PRKAR1A: variants seen among roughly 807,000 people sequenced by gnomAD.
PRKAR1A encodes protein kinase cAMP-dependent type I regulatory subunit alpha.
PRKAR1A carries 3 observed loss-of-function variants against 52.0 expected under a neutral mutation model. The ratio of observed to expected loss-of-function variants is 0.06; its 90% CI spans 0.03 to 0.15. PRKAR1A has a LOEUF of 0.15. Ranked by LOEUF, PRKAR1A falls within the 10% of genes least tolerant of loss-of-function variation. PRKAR1A has a pLI of 1.00. For synonymous variants in PRKAR1A, 188 were observed against 168.4 expected (o/e 1.12, Z -0.90); for missense variants, 240 against 477.4 (o/e 0.50, Z 4.63).
chr17:68,431,861 C>G, the PRKAR1A span, among the ~76,000 whole-genome samples: 128,475 of 151,914 alleles, frequency 0.85, 54,471 homozygotes, highest in Admixed American at 0.88. Context: ...AGTGGAAAAT[C>G]AATCTCTGAT....
At chr17:68,472,139 T>G in the PRKAR1A span, among the ~76,000 whole-genome samples, 2 of 152,254 alleles carry the variant, frequency 1.3e-5, no homozygotes, top group South Asian at 4.2e-4. Context: ...TGAGGAGGTG[T>G]GGTTCAGCTG....
At chr17:68,465,372 G>A in the PRKAR1A span, among the ~76,000 whole-genome samples, 1 of 152,088 alleles carries the variant, frequency 6.6e-6, no homozygotes, top group Non-Finnish European at 1.5e-5. Flanking sequence ...GAGCCTCCTT[G>A]GACTTTCTTG....
chr17:68,471,096 A>AT, the PRKAR1A span, among the ~76,000 whole-genome samples: 6 of 152,140 alleles, frequency 3.9e-5, no homozygotes, highest in African/African-American at 7.2e-5. Context: ...AATTCAATGC[A>AT]TTTTTTCCCC....
chr17:68,535,668 A>C (rs1162259718), downstream of PRKAR1A: 1 of 447,808 alleles, frequency 2.2e-6, no homozygotes, highest in Non-Finnish European at 4.4e-6. Flanking sequence ...TTTAAAAAAA[A>C]ATTTTTTTTT....
chr17:68,541,831 C>T lies in PRKAR1A; in HGVS notation c.974-9253C>T. 11 of 894,488 alleles carry T rather than the reference C, an allele frequency of 1.2e-5. No homozygotes were observed. The South Asian group carries it at 1.7e-4, about 14-fold the overall frequency. The allele number at this position is 894,488 out of a possible 1,614,324, so 55.4% of individuals were successfully genotyped here. A position where few individuals can be genotyped will look rare whatever the true frequency, so the allele number is the denominator to read the frequency against. Reference sequence around the variant, plus strand: ...TAAATGAACTAAAGGGGAGAACAGACCCAGGCCTGCTGATCCCAGGATCAA... The same window carrying T: ...TAAATGAACTAAAGGGGAGAACAGATCCAGGCCTGCTGATCCCAGGATCAA... On this transcript the variant is annotated intron_variant, in intron 11 of 11. Coordinates refer to the PRKAR1A transcript ENST00000585981.
chr17:68,471,827 G>C, the PRKAR1A span, among the ~76,000 whole-genome samples: 5 of 152,058 alleles, frequency 3.3e-5, 1 homozygote, highest in East Asian at 9.7e-4. Flanking sequence ...TTTAGACAGA[G>C]TCTTGCTTTG....
chr17:68,427,541 G>C, the PRKAR1A span: 1 of 237,334 alleles, frequency 4.2e-6, no homozygotes, highest in Non-Finnish European at 8.4e-6. Flanking sequence ...ATTTTTAGTA[G>C]AGACTGGGTT....
the PRKAR1A span, among the ~76,000 whole-genome samples, chr17:68,487,716 G>A: frequency 2.0e-5 from 3 of 151,676 alleles, no homozygotes; most frequent in Admixed American, 6.6e-5. Flanking sequence ...CAGGAGAATG[G>A]CTTGAAGCAG....
At chr17:68,542,576 C>G in intron 11 of PRKAR1A, 1 of 806,238 alleles carries the variant, frequency 1.2e-6, no homozygotes, top group Non-Finnish European at 2.2e-6. Flanking sequence ...CTTCATACGC[C>G]CATCCCAGTA....
At chr17:68,427,314 C>A in the PRKAR1A span, 1 of 1,276,378 alleles carries the variant, frequency 7.8e-7, no homozygotes, top group Non-Finnish European at 1.1e-6. Context: ...TCTAGGACAC[C>A]TTCCAAAGGA....
the PRKAR1A span, among the ~76,000 whole-genome samples, chr17:68,458,937 T>C: frequency 1.3e-5 from 2 of 152,088 alleles, no homozygotes; most frequent in Non-Finnish European, 2.9e-5. Context: ...CTTTTATGTA[T>C]GTGTATATAT....
At chr17:68,453,636 G>C in the PRKAR1A span, among the ~76,000 whole-genome samples, 2 of 151,782 alleles carry the variant, frequency 1.3e-5, no homozygotes, top group African/African-American at 4.8e-5. Context: ...GCACCACCAC[G>C]CCAGGCTAAT....
Position 68,530,597 on chromosome 17 carries a change from A to G in PRKAR1A, c.*148A>G, listed in dbSNP as rs984729741. ...ATATATTGAAAGTTGCTTTTATTGC[A>G]CCATTTTCAATTTGGAGCATTAACT... On this transcript the variant is annotated 3_prime_UTR_variant, in exon 11 of 11. Transcript: ENST00000589228. 6.5e-7 allele frequency: 1 copy of G among 1,542,198 alleles called. No homozygotes were observed. Among genetic ancestry groups the G allele is most frequent in the Non-Finnish European group, 8.7e-7 (1 of 1,145,876 alleles).
chr17:68,547,217 G>C (rs1466993154), intron 11 of PRKAR1A, among the ~76,000 whole-genome samples: 1 of 152,044 alleles, frequency 6.6e-6, no homozygotes, highest in African/African-American at 2.4e-5. Flanking sequence ...AGTTCCCAGC[G>C]ACATTATCAC....
intron 6 of PRKAR1A, 84 bp downstream of exon 6, chr17:68,525,042 A>G: frequency 1.8e-6 from 2 of 1,136,370 alleles, no homozygotes; most frequent in Non-Finnish European, 2.7e-6. Flanking sequence ...AGTGATTTTG[A>G]AGGGTCATTA....
intron 2 of PRKAR1A, among the ~76,000 whole-genome samples, chr17:68,519,703 T>C (rs1249952396): frequency 7.4e-6 from 1 of 135,960 alleles, no homozygotes; most frequent in Non-Finnish European, 1.6e-5. Flanking sequence ...AGTTGGTCTT[T>C]TGAAAGCTTC....
At chr17:68,429,675 G>A in the PRKAR1A span, among the ~76,000 whole-genome samples, 5 of 151,970 alleles carry the variant, frequency 3.3e-5, no homozygotes, top group Admixed American at 6.6e-5. Flanking sequence ...TGCAACCTCC[G>A]CCTCCTGGGT....
the PRKAR1A span, among the ~76,000 whole-genome samples, chr17:68,472,764 A>T: frequency 6.6e-6 from 1 of 151,364 alleles, no homozygotes; most frequent in Non-Finnish European, 1.5e-5. Flanking sequence ...TGGCCAACAT[A>T]GTGAAATCCT....
chr17:68,420,326 G>A, the PRKAR1A span: 248 of 1,613,986 alleles, frequency 1.5e-4, 1 homozygote, highest in African/African-American at 2.9e-4. Context: ...TGTGCTGCCC[G>A]AGGTCAGAAA....
Sources: allele counts gnomAD v4.1 joint callset (sites outside exome capture counted in the v4.1 genomes callset), GRCh38; gene constraint gnomAD v4.1.1; transcripts MANE v1.5; gene names NCBI Gene and HGNC (gene_info 2026-07-23, HGNC 2026-07-21).